The following PDE10A variants were observed in gnomAD, a reference collection of about 807,000 sequenced individuals.
PDE10A encodes the protein phosphodiesterase 10A.
A neutral mutation model predicts 97.7 loss-of-function variants in PDE10A; 39 were observed. That is an observed-to-expected ratio of 0.40 (90% CI 0.31 to 0.52). The LOEUF is 0.52. Ranked by LOEUF, PDE10A falls within the 20% of genes least tolerant of loss-of-function variation. The pLI is 0.56. For missense variants in PDE10A, 731 were observed against 1,047.8 expected, an observed-to-expected ratio of 0.70 and a Z score of 4.17; for synonymous variants, 371 against 376.8, an observed-to-expected ratio of 0.98 and a Z score of 0.18.
At chr6:165,634,086 C>T (rs990469124) in intron 1 of PDE10A, among the ~76,000 whole-genome samples, 5 of 152,132 alleles carry the variant, frequency 3.3e-5, no homozygotes, top group African/African-American at 1.2e-4. Flanking sequence ...TGACAAGCTG[C>T]GGGCCCCTCC....
At chr6:165,466,279 A>G (rs1318684420) in intron 3 of PDE10A, among the ~76,000 whole-genome samples, 1 of 152,254 alleles carries the variant, frequency 6.6e-6, no homozygotes, top group Non-Finnish European at 1.5e-5. Flanking sequence ...GATCCTTGAG[A>G]TAAAATAGTA....
intron 1 of PDE10A, among the ~76,000 whole-genome samples, chr6:165,974,589 TG>T (rs757961495): frequency 2.6e-5 from 4 of 152,250 alleles, no homozygotes; most frequent in Non-Finnish European, 5.9e-5. Context: ...GTATCAATTT[TG>T]CTGAATGATA....
chr6:165,983,023 C>T (rs1020375751), intron 1 of PDE10A, among the ~76,000 whole-genome samples: 3 of 148,970 alleles, frequency 2.0e-5, no homozygotes, highest in Admixed American at 6.8e-5. Flanking sequence ...GGACACAGAG[C>T]CAGCTGCTGC....
intron 1 of PDE10A, among the ~76,000 whole-genome samples, chr6:165,768,147 A>G (rs969421383): frequency 6.6e-6 from 1 of 151,968 alleles, no homozygotes; most frequent in Non-Finnish European, 1.5e-5. Flanking sequence ...TTGCCTTTTT[A>G]TCGTTGAGTT....
intron 10 of PDE10A, among the ~76,000 whole-genome samples, chr6:165,424,764 T>TA (rs1415206475): frequency 1.3e-5 from 2 of 152,202 alleles, no homozygotes; most frequent in African/African-American, 2.4e-5. Flanking sequence ...AAATAGCCTT[T>TA]ATACCAGGAA....
intron 1 of PDE10A, among the ~76,000 whole-genome samples, chr6:165,837,623 T>C (rs1780097866): frequency 6.6e-6 from 1 of 151,450 alleles, no homozygotes; most frequent in African/African-American, 2.4e-5. Flanking sequence ...GAGTCCTAAG[T>C]TCCTCCAAGT....
chr6:165,963,887 TGACTGAC>T (rs1784430109), intron 1 of PDE10A, among the ~76,000 whole-genome samples: 1 of 152,180 alleles, frequency 6.6e-6, no homozygotes, highest in African/African-American at 2.4e-5. Flanking sequence ...TGCCAAACTC[TGACTGAC>T]AGCCCCTGGT....
chr6:165,971,684 T>C (rs1784680611), intron 1 of PDE10A, among the ~76,000 whole-genome samples: 1 of 152,230 alleles, frequency 6.6e-6, no homozygotes, highest in African/African-American at 2.4e-5. Flanking sequence ...TTACTGCTTC[T>C]GATTTTTCAA....
At chr6:165,437,354 G>T (rs985716412) in intron 5 of PDE10A, among the ~76,000 whole-genome samples, 1 of 151,926 alleles carries the variant, frequency 6.6e-6, no homozygotes, top group Non-Finnish European at 1.5e-5. Context: ...TACATTATTA[G>T]ATGATCATAT....
intron 1 of PDE10A, among the ~76,000 whole-genome samples, chr6:165,932,128 C>A (rs1179229227): frequency 6.6e-6 from 1 of 152,188 alleles, no homozygotes; most frequent in East Asian, 1.9e-4. Context: ...TGAAGAGGTC[C>A]TCAAAGCATG....
intron 2 of PDE10A, among the ~76,000 whole-genome samples, chr6:165,534,248 T>C (rs749507701): frequency 8.0e-5 from 11 of 136,806 alleles, no homozygotes; most frequent in East Asian, 6.4e-4. Flanking sequence ...CAGGAAGAAA[T>C]AGAAAACCTG....
intron 2 of PDE10A, among the ~76,000 whole-genome samples, chr6:165,540,712 C>A (rs2128321390): frequency 6.6e-6 from 1 of 152,278 alleles, no homozygotes; most frequent in African/African-American, 2.4e-5. Context: ...TCACTACAAC[C>A]CACACCTCCC....
At chr6:165,518,211 G>A (rs957195540) in intron 2 of PDE10A, among the ~76,000 whole-genome samples, 4 of 152,048 alleles carry the variant, frequency 2.6e-5, no homozygotes, top group African/African-American at 9.7e-5. Context: ...ATTAAATAGA[G>A]GGCACAAATT....
At chr6:165,600,844 A>G (rs1786903798) in intron 1 of PDE10A, among the ~76,000 whole-genome samples, 1 of 151,952 alleles carries the variant, frequency 6.6e-6, no homozygotes, top group Admixed American at 6.5e-5. Context: ...CAAGTCAGAC[A>G]GTGGTATTTT....
At chr6:165,493,354 A>G (rs527760242) in intron 2 of PDE10A, among the ~76,000 whole-genome samples, 7 of 152,228 alleles carry the variant, frequency 4.6e-5, no homozygotes, top group Admixed American at 1.3e-4. Context: ...TTCCTATGGA[A>G]CCAAAAAAGA....
intron 18 of PDE10A, among the ~76,000 whole-genome samples, chr6:165,356,870 G>C (rs1342938118): frequency 6.6e-6 from 1 of 152,078 alleles, no homozygotes; most frequent in Non-Finnish European, 1.5e-5. Flanking sequence ...AATAAAGTCA[G>C]ATTTACTTTT....
intron 1 of PDE10A, among the ~76,000 whole-genome samples, chr6:165,674,651 G>A (rs1790745050): frequency 6.6e-6 from 1 of 152,156 alleles, no homozygotes; most frequent in Non-Finnish European, 1.5e-5. Context: ...GACTGGCCAG[G>A]ACAAAGGAAA....
chr6:165,421,014 T>C (rs1011190198), intron 10 of PDE10A, among the ~76,000 whole-genome samples: 1 of 152,130 alleles, frequency 6.6e-6, no homozygotes, highest in Non-Finnish European at 1.5e-5. Context: ...TTAGCAATAA[T>C]TAAACAAATA....
chr6:165,691,583 ACG>A (rs370669081), intron 1 of PDE10A, among the ~76,000 whole-genome samples: 8,415 of 144,652 alleles, frequency 0.058, 573 homozygotes, highest in African/African-American at 0.16. Context: ...GCACGCATGC[ACG>A]CGCGCGCACA....
Sources: allele counts gnomAD v4.1 joint callset (sites outside exome capture counted in the v4.1 genomes callset), GRCh38; gene constraint gnomAD v4.1.1; transcripts MANE v1.5; gene names NCBI Gene and HGNC (gene_info 2026-07-23, HGNC 2026-07-21).